The following CDK6 variants were observed in gnomAD, a reference collection of about 807,000 sequenced individuals.
CDK6 encodes the protein cyclin dependent kinase 6.
A neutral mutation model predicts 37.1 loss-of-function variants in CDK6; 6 were observed. That is an observed-to-expected ratio of 0.16 (90% CI 0.09 to 0.32). The LOEUF is 0.32. CDK6 is among the 10% of genes least tolerant of loss of function. CDK6 has a pLI of 1.00. For missense variants in CDK6, 224 were observed against 418.9 expected (o/e 0.53, Z 4.06); for synonymous variants, 160 against 161.3 (o/e 0.99, Z 0.06).
chr7:92,672,043 T>C (rs990331899), intron 4 of CDK6, among the ~76,000 whole-genome samples: 1 of 149,886 alleles, frequency 6.7e-6, no homozygotes, highest in Non-Finnish European at 1.5e-5. Context: ...AAATGTACAC[T>C]ACCTGGGTGA....
At chr7:92,703,043 T>C (rs1305959093) in intron 4 of CDK6, among the ~76,000 whole-genome samples, 2 of 152,180 alleles carry the variant, frequency 1.3e-5, no homozygotes, top group Non-Finnish European at 2.9e-5. Context: ...AAATCATCCC[T>C]AATCGAGACC....
At chr7:92,813,064 CTT>C (rs1254906413) in intron 2 of CDK6, among the ~76,000 whole-genome samples, 1 of 152,118 alleles carries the variant, frequency 6.6e-6, no homozygotes, top group Non-Finnish European at 1.5e-5. Flanking sequence ...GATCTAACAA[CTT>C]TTTTTGCCTT....
chr7:92,753,607 C>T (rs1327760220), intron 3 of CDK6, among the ~76,000 whole-genome samples: 1 of 152,166 alleles, frequency 6.6e-6, no homozygotes, highest in African/African-American at 2.4e-5. Flanking sequence ...ATTCTCCTGC[C>T]TCAGCCTCCC....
Position 92,712,871 on chromosome 7 carries a change from TATGTATG to T in CDK6, c.537+12748_537+12754del, listed in dbSNP as rs1562943850. On this transcript the variant is annotated intron_variant, in intron 4 of 7. Coordinates refer to ENST00000424848, the MANE Select transcript of CDK6 (RefSeq NM_001145306.2). ...GTATGTATGTATGTATGTATGTATG[TATGTATG>T]TATTTATTTATTTGAGATGGAGTCT... 5.6e-3 allele frequency among the ~76,000 whole-genome samples: 849 copies of T among 151,528 alleles called. 12 individuals carry two copies. Among genetic ancestry groups the T allele is most frequent in the African/African-American group, 0.019 (788 of 41,190 alleles).
At chr7:92,795,024 T>C (rs2115873021) in intron 2 of CDK6, among the ~76,000 whole-genome samples, 1 of 152,296 alleles carries the variant, frequency 6.6e-6, no homozygotes, top group South Asian at 2.1e-4. Flanking sequence ...TATTTGGTCA[T>C]ATAAGTTCTT....
At chr7:92,793,859 G>A (rs1393455981) in intron 2 of CDK6, among the ~76,000 whole-genome samples, 3 of 152,086 alleles carry the variant, frequency 2.0e-5, no homozygotes, top group African/African-American at 7.2e-5. Flanking sequence ...GGGGTGTGGG[G>A]GTTGGGGAAA....
chr7:92,683,963 TTTCTC>T (rs751035911), intron 4 of CDK6, among the ~76,000 whole-genome samples: 2 of 152,344 alleles, frequency 1.3e-5, no homozygotes, highest in Non-Finnish European at 2.9e-5. Flanking sequence ...CTTGTAATGT[TTTCTC>T]TTCTCTAAAA....
chr7:92,726,436 G>C (rs1023659260), intron 3 of CDK6, among the ~76,000 whole-genome samples: 1 of 152,032 alleles, frequency 6.6e-6, no homozygotes, highest in African/African-American at 2.4e-5. Context: ...TTTTAAACAG[G>C]ATCTTGCTCT....
intron 5 of CDK6, among the ~76,000 whole-genome samples, chr7:92,653,679 T>A (rs1796626768): frequency 6.6e-6 from 1 of 152,212 alleles, no homozygotes; most frequent in Non-Finnish European, 1.5e-5. Flanking sequence ...TATTACAGGA[T>A]CTTTTAATTT....
chr7:92,802,424 C>T (rs1800604095), intron 2 of CDK6, among the ~76,000 whole-genome samples: 1 of 152,230 alleles, frequency 6.6e-6, no homozygotes, highest in South Asian at 2.1e-4. Flanking sequence ...ACCTGAAATT[C>T]CAATACATCC....
intron 5 of CDK6, among the ~76,000 whole-genome samples, chr7:92,666,220 A>G (rs1796953461): frequency 6.6e-6 from 1 of 152,104 alleles, no homozygotes; most frequent in Non-Finnish European, 1.5e-5. Flanking sequence ...CTCTCCAAAA[A>G]CAGACTTGTC....
intron 4 of CDK6, among the ~76,000 whole-genome samples, chr7:92,677,320 A>C (rs564137735): frequency 6.6e-6 from 1 of 152,216 alleles, no homozygotes; most frequent in Non-Finnish European, 1.5e-5. Context: ...CTACATTTAA[A>C]AATAACAAAC....
Position 92,611,667 on chromosome 7 carries a change from T to C in CDK6, c.*3473A>G, listed in dbSNP as rs1320482203. On this transcript the variant is annotated 3_prime_UTR_variant, in exon 8 of 8. Coordinates refer to ENST00000424848, the MANE Select transcript of CDK6 (RefSeq NM_001145306.2). ...CTATTTAAGAGTTTTCTCATCAAGA[T>C]GGATAGTACATTCTGGAGAGTCAAA... 2 of 229,156 alleles carry C rather than the reference T, an allele frequency of 8.7e-6. No homozygotes were observed. The highest frequency in any genetic ancestry group is 2.2e-5 in the African/African-American group (1 of 45,140). The allele number at this position is 229,156 out of a possible 1,614,324, so 14.2% of individuals were successfully genotyped here.
chr7:92,784,230 A>C (rs550420408), intron 2 of CDK6, among the ~76,000 whole-genome samples: 1 of 152,340 alleles, frequency 6.6e-6, no homozygotes, highest in South Asian at 2.1e-4. Context: ...TTATCTCCCC[A>C]AAGACAAGAG....
chr7:92,629,912 C>T (rs913095807), intron 5 of CDK6, among the ~76,000 whole-genome samples: 2 of 152,080 alleles, frequency 1.3e-5, no homozygotes, highest in Non-Finnish European at 2.9e-5. Context: ...TATGCACTCA[C>T]GTGGCTAGAG....
intron 4 of CDK6, among the ~76,000 whole-genome samples, chr7:92,713,278 T>C (rs1291185881): frequency 1.3e-5 from 2 of 152,218 alleles, no homozygotes; most frequent in African/African-American, 4.8e-5. Flanking sequence ...TTACATAATA[T>C]ACATAAACCT....
rs758664283 is a variant in CDK6 at position 92,612,597 on chromosome 7, C to T, written c.*2543G>A. On this transcript the variant is annotated 3_prime_UTR_variant, in exon 8 of 8. Transcript: ENST00000424848. ...GAGATGCCCTTTCATTCTGTGTCAT[C>T]AGAAGATAATCTGCCAACGATTGAA... The T allele has an allele frequency of 2.7e-4, 63 of 233,030 alleles. No homozygotes were observed. The highest frequency in any genetic ancestry group is 4.2e-5 in the Non-Finnish European group (5 of 117,976). 14.4% of individuals were successfully genotyped at this position (233,030 alleles called of 1,614,324 possible).
At chr7:92,741,263 A>G (rs1266737345) in intron 3 of CDK6, among the ~76,000 whole-genome samples, 1 of 152,220 alleles carries the variant, frequency 6.6e-6, no homozygotes, top group African/African-American at 2.4e-5. Flanking sequence ...CAAGAGATAT[A>G]TGTACAGGTT....
At chr7:92,770,979 G>T (rs949905530) in intron 3 of CDK6, among the ~76,000 whole-genome samples, 60 of 152,088 alleles carry the variant, frequency 3.9e-4, no homozygotes, top group African/African-American at 1.4e-3. Context: ...GCTCATGCCT[G>T]TAATCCCAGC....
Sources: allele counts gnomAD v4.1 joint callset (sites outside exome capture counted in the v4.1 genomes callset), GRCh38; gene constraint gnomAD v4.1.1; transcripts MANE v1.5; gene names NCBI Gene and HGNC (gene_info 2026-07-23, HGNC 2026-07-21).